Variants in IL1RAPL2 observed in about 807,000 individuals in gnomAD.
IL1RAPL2 encodes the protein X-linked interleukin-1 receptor accessory protein-like 2.
In IL1RAPL2, 3 loss-of-function variants were observed where a neutral mutation model predicts 44.1. That is an observed-to-expected ratio of 0.07 (90% CI 0.03 to 0.18). The LOEUF (loss-of-function observed/expected upper bound fraction) is 0.18, where lower values mean the gene tolerates loss of function less well. Ranked by LOEUF, IL1RAPL2 falls within the 10% of genes least tolerant of loss-of-function variation. IL1RAPL2 has a pLI of 1.00. For missense variants in IL1RAPL2, 391 were observed against 496.4 expected (o/e 0.79, Z 2.02); for synonymous variants, 181 against 178.8 (o/e 1.01, Z -0.10).
At chrX:104,709,619 G>A (rs1226429789) in intron 2 of IL1RAPL2, among the ~76,000 whole-genome samples, 2 of 110,622 alleles carry the variant, frequency 1.8e-5, no homozygotes, top group Non-Finnish European at 3.8e-5. Context: ...TTTTTGGCAT[G>A]TGTAATATTG....
intron 2 of IL1RAPL2, among the ~76,000 whole-genome samples, chrX:105,049,298 C>T (rs147525140): frequency 1.3e-4 from 14 of 110,869 alleles, no homozygotes; most frequent in African/African-American, 4.6e-4. Context: ...TCTTAGCTGG[C>T]ACTATGACAA....
chrX:104,741,820 A>G (rs1392194675), intron 2 of IL1RAPL2, among the ~76,000 whole-genome samples: 1 of 111,171 alleles, frequency 9.0e-6, no homozygotes, highest in Admixed American at 9.6e-5. Flanking sequence ...ATCAATTTTG[A>G]CATTCAGTGC....
At chrX:105,331,476 A>C (rs935834287) in intron 5 of IL1RAPL2, among the ~76,000 whole-genome samples, 1 of 111,767 alleles carries the variant, frequency 8.9e-6, no homozygotes, top group African/African-American at 3.2e-5. Context: ...TACCATGAAC[A>C]TTTAAACCAA....
At chrX:105,348,911 G>A (rs1431732712) in intron 5 of IL1RAPL2, among the ~76,000 whole-genome samples, 1 of 111,770 alleles carries the variant, frequency 8.9e-6, no homozygotes, top group Non-Finnish European at 1.9e-5. Context: ...GAGGCCTGAA[G>A]ATTGGTTTCC....
At chrX:104,702,816 A>G (rs756123376) in intron 2 of IL1RAPL2, among the ~76,000 whole-genome samples, 17 of 111,530 alleles carry the variant, frequency 1.5e-4, no homozygotes, top group Non-Finnish European at 2.6e-4. Context: ...AATTGATCAC[A>G]AGAGTTTATC....
At chrX:105,729,710 A>G (rs1440472165) in intron 7 of IL1RAPL2, among the ~76,000 whole-genome samples, 1 of 110,242 alleles carries the variant, frequency 9.1e-6, no homozygotes, top group Non-Finnish European at 1.9e-5. Context: ...ATAAAGTCCA[A>G]CTTATCAATT....
intron 1 of IL1RAPL2, among the ~76,000 whole-genome samples, chrX:104,637,139 G>A (rs1417548266): frequency 9.1e-6 from 1 of 109,891 alleles, no homozygotes; most frequent in Non-Finnish European, 1.9e-5. Flanking sequence ...ATCATGATTG[G>A]TGTATAGAAA....
chrX:105,210,513 G>A (rs1556156690), intron 3 of IL1RAPL2, among the ~76,000 whole-genome samples: 1 of 110,727 alleles, frequency 9.0e-6, no homozygotes, highest in East Asian at 2.9e-4. Flanking sequence ...GGTGGGAAAT[G>A]TACACTACTA....
chrX:105,068,928 T>A lies in IL1RAPL2; in HGVS notation c.83-126547T>A, dbSNP rs774091789. On this transcript the variant is annotated intron_variant, in intron 2 of 10. Coordinates refer to ENST00000372582, the MANE Select transcript of IL1RAPL2 (RefSeq NM_017416.2). ...TTATCAATAGAAGTGCCTTAAAAAATTGTCAAGGTTAGAAGAACAGGTTTC... is the reference window on the plus strand; with the variant it reads ...TTATCAATAGAAGTGCCTTAAAAAAATGTCAAGGTTAGAAGAACAGGTTTC... Among the ~76,000 whole-genome samples, 3 of 111,984 alleles carry A rather than the reference T, an allele frequency of 2.7e-5. No individual in the cohort carries two copies. The East Asian group carries it at 8.5e-4, about 32-fold the overall frequency.
At chrX:105,747,034 G>A (rs1458509219) in intron 8 of IL1RAPL2, among the ~76,000 whole-genome samples, 2 of 111,224 alleles carry the variant, frequency 1.8e-5, no homozygotes, top group South Asian at 3.8e-4. Flanking sequence ...ATAAGATGGT[G>A]AGAAAACAAG....
At chrX:105,686,811 G>A (rs2037982275) in intron 6 of IL1RAPL2, among the ~76,000 whole-genome samples, 2 of 111,322 alleles carry the variant, frequency 1.8e-5, no homozygotes, top group Admixed American at 9.6e-5. Flanking sequence ...AAAATTGACT[G>A]CATAATTGGA....
chrX:104,584,481 G>A (rs182252623), intron 1 of IL1RAPL2, among the ~76,000 whole-genome samples: 1 of 109,286 alleles, frequency 9.2e-6, no homozygotes, highest in Non-Finnish European at 1.9e-5. Context: ...TTAGTCCTGT[G>A]TGAACTGAAT....
At chrX:104,764,294 G>A (rs1281879628) in intron 2 of IL1RAPL2, among the ~76,000 whole-genome samples, 1 of 110,402 alleles carries the variant, frequency 9.1e-6, no homozygotes, top group African/African-American at 3.3e-5. Context: ...TTAATTTCTA[G>A]GTATTTAATT....
At chrX:105,726,453 G>C (rs1284452115) in intron 7 of IL1RAPL2, among the ~76,000 whole-genome samples, 1 of 111,333 alleles carries the variant, frequency 9.0e-6, no homozygotes, top group African/African-American at 3.3e-5. Context: ...AAATCTGTCG[G>C]GGACTGAAAG....
chrX:104,918,813 G>A (rs1005349969), intron 2 of IL1RAPL2, among the ~76,000 whole-genome samples: 18 of 111,911 alleles, frequency 1.6e-4, no homozygotes, highest in African/African-American at 5.5e-4. Flanking sequence ...CTGGAAGCCC[G>A]TATACTATTC....
intron 2 of IL1RAPL2, among the ~76,000 whole-genome samples, chrX:104,994,087 A>C (rs1173077667): frequency 8.9e-6 from 1 of 112,079 alleles, no homozygotes; most frequent in Non-Finnish European, 1.9e-5. Flanking sequence ...AGACTTGCTA[A>C]TGAATGTTCA....
At chrX:105,697,316 A>T (rs2038084392) in intron 6 of IL1RAPL2, among the ~76,000 whole-genome samples, 1 of 110,129 alleles carries the variant, frequency 9.1e-6, no homozygotes, top group African/African-American at 3.3e-5. Context: ...AAAACACCAA[A>T]ATTTCAGTCA....
intron 7 of IL1RAPL2, among the ~76,000 whole-genome samples, chrX:105,728,830 A>ATAGTT (rs2038375231): frequency 9.0e-6 from 1 of 111,685 alleles, no homozygotes; most frequent in Non-Finnish European, 1.9e-5. Flanking sequence ...ATCATACAGA[A>ATAGTT]TAGTTTCACT....
At chrX:105,679,791 A>AAGAC (rs1463969344) in intron 6 of IL1RAPL2, among the ~76,000 whole-genome samples, 1 of 111,613 alleles carries the variant, frequency 9.0e-6, no homozygotes, top group African/African-American at 3.3e-5. Flanking sequence ...ATCAAAAAAT[A>AAGAC]AGACATATCA....
Sources: allele counts gnomAD v4.1 joint callset (sites outside exome capture counted in the v4.1 genomes callset), GRCh38; gene constraint gnomAD v4.1.1; transcripts MANE v1.5; gene names NCBI Gene and HGNC (gene_info 2026-07-23, HGNC 2026-07-21).